The following RIMKLB variants were observed in gnomAD, a reference collection of about 807,000 sequenced individuals.
The protein encoded by RIMKLB is ribosomal modification protein rimK like family member B, also known as beta-citrylglutamate synthase B.
A neutral mutation model predicts 32.0 loss-of-function variants in RIMKLB; 7 were observed. That is an observed-to-expected ratio of 0.22 (90% confidence interval 0.12 to 0.41). The LOEUF (loss-of-function observed/expected upper bound fraction) is 0.41, where lower values mean the gene tolerates loss of function less well. RIMKLB is among the 10% of genes least tolerant of loss of function. RIMKLB has a pLI of 1.00. For synonymous variants in RIMKLB, 172 were observed against 185.1 expected (o/e 0.93, Z 0.57); for missense variants, 289 against 498.7 (o/e 0.58, Z 4.00).
In RIMKLB at chr12:8,689,173, A is replaced by G. The variant is rs530434600; in HGVS notation, n.219+7355A>G. 1.4e-3 allele frequency among the ~76,000 whole-genome samples: 208 copies of G among 152,308 alleles called. 1 individual carries two copies. Among genetic ancestry groups the G allele is most frequent in the Non-Finnish European group, 2.3e-3 (157 of 68,036 alleles). ...TTTCAAAACAGGGATAATAAAATAC[A>G]CCTTATCTCCACATTCTAAAGATCT... On this transcript the variant is annotated intron_variant and non_coding_transcript_variant, in intron 1 of 1. Coordinates refer to the RIMKLB transcript ENST00000538758.
At chr12:8,751,861 C>T (rs930717704) in intron 3 of RIMKLB, 96 bp from the exon 4 acceptor site, 1 of 770,660 alleles carries the variant, frequency 1.3e-6, no homozygotes, top group African/African-American at 1.7e-5. Flanking sequence ...TTACCTTCAA[C>T]TTCCTTGTGC....
chr12:8,724,042 A>G (rs762375659), intron 2 of RIMKLB, among the ~76,000 whole-genome samples: 1 of 151,900 alleles, frequency 6.6e-6, no homozygotes, highest in Non-Finnish European at 1.5e-5. Context: ...CAAGTTGCCC[A>G]GGCTGGGCTT....
At chr12:8,748,213 TC>T (rs1376224010) in intron 2 of RIMKLB, among the ~76,000 whole-genome samples, 1 of 152,186 alleles carries the variant, frequency 6.6e-6, no homozygotes, top group Non-Finnish European at 1.5e-5. Context: ...ATAGTAGTCT[TC>T]CCTAGCCACA....
chr12:8,716,431 C>CTT lies in RIMKLB; in HGVS notation c.175+2412_175+2413dup, dbSNP rs11307521. On this transcript the variant is annotated intron_variant, in intron 2 of 5. Transcript: ENST00000535829. ...TAACCTAGCCTTACCATTAACATGTCTTTTTTTTTTTTTTTTTTTTTTTAA... is the reference window on the plus strand; with the variant it reads ...TAACCTAGCCTTACCATTAACATGTCTTTTTTTTTTTTTTTTTTTTTTTTTAA... 4.8e-3 allele frequency among the ~76,000 whole-genome samples: 394 copies of CTT among 81,644 alleles called. 5 individuals are homozygous for CTT. The highest frequency in any genetic ancestry group is 0.012 in the African/African-American group (254 of 20,446). The allele number at this position is 81,644 out of a possible 152,430, so 53.6% of individuals were successfully genotyped here. A position where few individuals can be genotyped will look rare whatever the true frequency, so the allele number is the denominator to read the frequency against.
chr12:8,717,057 CTT>C (rs558195222), intron 2 of RIMKLB, among the ~76,000 whole-genome samples: 1 of 125,016 alleles, frequency 8.0e-6, no homozygotes, highest in African/African-American at 2.9e-5. Context: ...GAGGGTTTTT[CTT>C]TTTTTTTTTT....
At chr12:8,679,777 A>G (rs1942369793), upstream of RIMKLB, 1 of 152,230 alleles carries the variant, frequency 6.6e-6, no homozygotes, top group Non-Finnish European at 1.5e-5. Context: ...GCAACTAGTG[A>G]AAGATGAGGT....
chr12:8,747,723 A>G (rs1049519777), intron 2 of RIMKLB, among the ~76,000 whole-genome samples: 3 of 152,000 alleles, frequency 2.0e-5, no homozygotes, highest in African/African-American at 7.3e-5. Flanking sequence ...AAATAAAGCT[A>G]TATATACTCT....
chr12:8,765,960 A>G (rs1389121774), intron 5 of RIMKLB, among the ~76,000 whole-genome samples: 1 of 152,116 alleles, frequency 6.6e-6, no homozygotes, highest in African/African-American at 2.4e-5. Context: ...TCGGGAGGCC[A>G]GGTTTCTCCC....
chr12:8,708,177 A>G (rs1407671779), intron 1 of RIMKLB, among the ~76,000 whole-genome samples: 1 of 152,044 alleles, frequency 6.6e-6, no homozygotes, highest in Non-Finnish European at 1.5e-5. Context: ...ATTCTATTTT[A>G]TATTAGTGTA....
intron 5 of RIMKLB, among the ~76,000 whole-genome samples, chr12:8,754,951 G>A (rs531720621): frequency 4.0e-5 from 6 of 151,706 alleles, no homozygotes; most frequent in East Asian, 1.9e-4. Context: ...CACCATGCCC[G>A]TCTAATTATT....
At chr12:8,758,335 A>G (rs1000508686) in intron 5 of RIMKLB, among the ~76,000 whole-genome samples, 5 of 151,430 alleles carry the variant, frequency 3.3e-5, no homozygotes, top group African/African-American at 7.3e-5. Flanking sequence ...TACCCAGGCT[A>G]GTCTTGAACT....
Position 8,685,375 on chromosome 12 carries a change from G to GTTGTT in RIMKLB, n.219+3569_219+3573dup, listed in dbSNP as rs1157420848. Reference sequence around the variant, plus strand: ...TTTCAAAATGCTGAGAGGTTTCTTTGTTGTTTTGTTTTGTTTGATCATGAA... The same window carrying GTTGTT: ...TTTCAAAATGCTGAGAGGTTTCTTTGTTGTTTTGTTTTGTTTTGTTTGATCATGAA... On this transcript the variant is annotated intron_variant and non_coding_transcript_variant, in intron 1 of 1. Coordinates refer to the RIMKLB transcript ENST00000538758. Among the ~76,000 whole-genome samples, 4 of 152,082 alleles carry GTTGTT rather than the reference G, an allele frequency of 2.6e-5. No homozygotes were observed. In the East Asian group the frequency reaches 5.8e-4, roughly 22 times the overall value.
Position 8,776,895 on chromosome 12 carries a change from A to ATT in RIMKLB, c.*3112_*3113insTT. On this transcript the variant is annotated 3_prime_UTR_variant, in exon 6 of 6. Coordinates refer to ENST00000535829, the MANE Select transcript of RIMKLB (RefSeq NM_001297776.2). ...ATCTCTTTTTCTCAAGAAGAAAGCA[A>ATT]TGGAGAAGCAAATTTGTTTCATTCA... 1 of 985,834 alleles carries ATT rather than the reference A, an allele frequency of 1.0e-6. No individual in the cohort carries two copies. The highest frequency in any genetic ancestry group is 1.2e-6 in the Non-Finnish European group (1 of 829,902). 61.1% of individuals were successfully genotyped at this position (985,834 alleles called of 1,614,324 possible).
Position 8,689,356 on chromosome 12 carries a change from G to A in RIMKLB, n.219+7538G>A, listed in dbSNP as rs112643478. ...CTGAAAAGAGACGTCCTCGTTGGGA[G>A]CAGCCTAGTTTTGCTTTGTTGCCAA... is the stretch of plus-strand genomic sequence containing the variant. On this transcript the variant is annotated intron_variant and non_coding_transcript_variant, in intron 1 of 1. Coordinates refer to the RIMKLB transcript ENST00000538758. 3.1e-3 allele frequency among the ~76,000 whole-genome samples: 467 copies of A among 152,340 alleles called. 4 individuals carry two copies. Among genetic ancestry groups the A allele is most frequent in the Middle Eastern group, 6.8e-3 (2 of 294 alleles).
At chr12:8,699,359 T>C (rs7306088) in intron 1 of RIMKLB, among the ~76,000 whole-genome samples, 2 of 152,222 alleles carry the variant, frequency 1.3e-5, no homozygotes, top group African/African-American at 4.8e-5. Flanking sequence ...ATCTCATTTT[T>C]GTTACTTTCA....
chr12:8,746,030 T>C (rs929043852), intron 2 of RIMKLB, among the ~76,000 whole-genome samples: 1 of 151,884 alleles, frequency 6.6e-6, no homozygotes, highest in South Asian at 2.1e-4. Flanking sequence ...TACACAGTTT[T>C]CACTCCACCA....
At chr12:8,760,117 C>G (rs938651122) in intron 5 of RIMKLB, among the ~76,000 whole-genome samples, 1 of 152,126 alleles carries the variant, frequency 6.6e-6, no homozygotes, top group Non-Finnish European at 1.5e-5. Context: ...ACAACAGGCC[C>G]CCGTGTGTGA....
chr12:8,712,187 C>T (rs1305587144), intron 1 of RIMKLB, among the ~76,000 whole-genome samples: 2 of 151,952 alleles, frequency 1.3e-5, no homozygotes, highest in African/African-American at 4.8e-5. Flanking sequence ...TTTTTGTGCG[C>T]GTGAGACGGA....
chr12:8,688,842 T>C (rs1234605128), intron 1 of RIMKLB, among the ~76,000 whole-genome samples: 3 of 152,086 alleles, frequency 2.0e-5, no homozygotes, highest in African/African-American at 7.2e-5. Flanking sequence ...TTCTTTCTTT[T>C]TTTTTTTTCT....
Sources: allele counts gnomAD v4.1 joint callset (sites outside exome capture counted in the v4.1 genomes callset), GRCh38; gene constraint gnomAD v4.1.1; transcripts MANE v1.5; gene names NCBI Gene and HGNC (gene_info 2026-07-23, HGNC 2026-07-21).